The following ST14 variants were observed in gnomAD, a reference collection of about 807,000 sequenced individuals.
ST14 encodes suppressor of tumorigenicity 14 protein.
In ST14, 40 loss-of-function variants were observed where a neutral mutation model predicts 96.5. The ratio of observed to expected loss-of-function variants is 0.41; its 90% CI spans 0.32 to 0.54. The LOEUF (loss-of-function observed/expected upper bound fraction) is 0.54. Among genes scored for constraint, ST14 ranks in the 20% least tolerant of loss-of-function variants. The pLI is 0.17. For missense variants in ST14, 1,066 were observed against 1,188.9 expected (o/e 0.90, Z 1.52); for synonymous variants, 506 against 492.1 (o/e 1.03, Z -0.37).
chr11:130,182,432 C>A (rs903209333), intron 1 of ST14, among the ~76,000 whole-genome samples: 4 of 151,432 alleles, frequency 2.6e-5, no homozygotes, highest in African/African-American at 9.7e-5. Context: ...AGATCATCCT[C>A]CTGCCTCAAC....
chr11:130,206,395 C>T (rs931851762), intron 16 of ST14, among the ~76,000 whole-genome samples: 48 of 151,692 alleles, frequency 3.2e-4, no homozygotes, highest in Admixed American at 2.7e-3. Context: ...TTTGAATCAG[C>T]GTGAGTGTCT....
chr11:130,205,698 C>T (rs1481202373), intron 16 of ST14, among the ~76,000 whole-genome samples: 2 of 120,824 alleles, frequency 1.7e-5, no homozygotes, highest in Admixed American at 9.6e-5. Context: ...CTTCTTTAGA[C>T]GTTTTTTTTT....
At chr11:130,169,973 G>A (rs182233505) in intron 1 of ST14, among the ~76,000 whole-genome samples, 4 of 152,194 alleles carry the variant, frequency 2.6e-5, no homozygotes, top group Non-Finnish European at 4.4e-5. Flanking sequence ...GGAAGGTGGG[G>A]CAGCTGGGCC....
chr11:130,199,661 G>A lies in ST14; in HGVS notation c.1808-290G>A, dbSNP rs10791062. ...CAGATGACACCCAAATCAAAGTGAA[G>A]CTGACCAGCCAGCCTCCGGAGGCCC... On this transcript the variant is annotated intron_variant, in intron 15 of 18. Transcript: ENST00000278742. Among the ~76,000 whole-genome samples, 72,487 of 151,926 alleles carry A rather than the reference G, an allele frequency of 0.48. 17,774 individuals are homozygous for A. The highest frequency in any genetic ancestry group is 0.74 in the East Asian group (3,817 of 5,146).
At chr11:130,205,316 T>TG (rs1324479989) in intron 16 of ST14, among the ~76,000 whole-genome samples, 3 of 152,166 alleles carry the variant, frequency 2.0e-5, no homozygotes, top group East Asian at 3.9e-4. Flanking sequence ...TTAGTGGAGA[T>TG]GGGGTTTCAC....
intron 16 of ST14, among the ~76,000 whole-genome samples, chr11:130,206,363 G>C (rs1490837398): frequency 1.3e-5 from 2 of 150,628 alleles, no homozygotes; most frequent in African/African-American, 4.9e-5. Flanking sequence ...CCCCTTGGTC[G>C]TGACTACACT....
At chr11:130,178,562 T>G (rs926952421) in intron 1 of ST14, among the ~76,000 whole-genome samples, 48 of 152,188 alleles carry the variant, frequency 3.2e-4, no homozygotes, top group African/African-American at 1.1e-3. Flanking sequence ...GCTGGGTTTC[T>G]GTGTTGACAA....
intron 12 of ST14, 23 bp from the exon 13 acceptor site, chr11:130,198,285 G>T: frequency 6.2e-7 from 1 of 1,610,098 alleles, no homozygotes; most frequent in Non-Finnish European, 8.5e-7. Context: ...CCTCACGGCC[G>T]ACCTCCCCTT....
chr11:130,203,507 C>T (rs911010609), intron 16 of ST14, among the ~76,000 whole-genome samples: 3 of 152,338 alleles, frequency 2.0e-5, no homozygotes, highest in South Asian at 2.1e-4. Flanking sequence ...GCGCCTGCCA[C>T]GGCTTGCAGT....
In ST14 at chr11:130,187,110, A is replaced by G. The variant is rs1194238550; in HGVS notation, c.82-1004A>G. Among the ~76,000 whole-genome samples, 1 of 152,196 alleles carries G rather than the reference A, an allele frequency of 6.6e-6. No individual in the cohort carries two copies. The highest frequency in any genetic ancestry group is 1.5e-5 in the Non-Finnish European group (1 of 68,042). ...TCACCACCAGAAGAATGACATCAGG[A>G]AACTGTCAAAAGGGCCAACACCTGT... is the stretch of plus-strand genomic sequence containing the variant. On this transcript the variant is annotated intron_variant, in intron 1 of 18. Coordinates refer to ENST00000278742, the MANE Select transcript of ST14 (RefSeq NM_021978.4). The surrounding 1 kb of genome is among the most constrained non-coding windows in gnomAD (Gnocchi z 4.5).
Position 130,186,470 on chromosome 11 carries a change from A to G in ST14, c.82-1644A>G, listed in dbSNP as rs534762737. Reference sequence around the variant, plus strand: ...GGCTCCAGGACTGTGGCCCTCAGGAAGAACATGAAATAAGTTATTTAACAG... The same window carrying G: ...GGCTCCAGGACTGTGGCCCTCAGGAGGAACATGAAATAAGTTATTTAACAG... On this transcript the variant is annotated intron_variant, in intron 1 of 18. Coordinates refer to ENST00000278742, the MANE Select transcript of ST14 (RefSeq NM_021978.4). 1.1e-4 allele frequency among the ~76,000 whole-genome samples: 16 copies of G among 152,344 alleles called. No individual in the cohort carries two copies. In the South Asian group the frequency reaches 3.3e-3, roughly 32 times the overall value.
At chr11:130,205,829 G>A (rs113707580) in intron 16 of ST14, among the ~76,000 whole-genome samples, 5,665 of 150,218 alleles carry the variant, frequency 0.038, 321 homozygotes, top group African/African-American at 0.12. Context: ...CTCCTGAGTA[G>A]CTGGAATTAC....
intron 1 of ST14, among the ~76,000 whole-genome samples, chr11:130,166,625 G>A (rs938761455): frequency 6.6e-6 from 1 of 152,146 alleles, no homozygotes; most frequent in Non-Finnish European, 1.5e-5. Context: ...CAGAGCATCT[G>A]GACAGACTGT....
intron 1 of ST14, among the ~76,000 whole-genome samples, chr11:130,172,470 T>C (rs375068653): frequency 9.8e-5 from 14 of 142,668 alleles, no homozygotes; most frequent in African/African-American, 3.5e-4. Context: ...CAGGCTGGAG[T>C]GCAGTGGTGC....
chr11:130,208,613 C>A lies in ST14; in HGVS notation c.2198C>A (p.Pro733Gln). The A allele has an allele frequency of 1.9e-6, 3 of 1,614,022 alleles. No homozygotes were observed. The highest frequency in any genetic ancestry group is 2.5e-6 in the Non-Finnish European group (3 of 1,179,994). Residue 733 changes from proline to glutamine, a missense_variant, in exon 17 of 19, where the codon CCG (proline) becomes CAG (glutamine). Pro to Gln is a moderately conservative substitution (Grantham distance 76). Transcript: ENST00000278742. ...TCCATGGTGCGGCCCATCTGCCTGC[C>A]GGACGCCTCCCATGTCTTCCCTGCC... ...YSSMVRPICL[P>Q]DASHVFPAGK...
Position 130,198,553 on chromosome 11 carries a change from C to T in ST14, c.1616C>T (p.Ser539Leu), listed in dbSNP as rs1465985900. 12 of 1,614,060 alleles carry T rather than the reference C, an allele frequency of 7.4e-6. No homozygotes were observed. The highest frequency in any genetic ancestry group is 1.3e-5 in the African/African-American group (1 of 75,042). Residue 539 changes from serine (S) to leucine (L), a missense_variant, in exon 14 of 19, where the codon TCG becomes TTG. Coordinates refer to ENST00000278742, the MANE Select transcript of ST14 (RefSeq NM_021978.4). ...TFRCSNGKCL[S>L]KSQQCNGKDD... The stretch of plus-strand genomic sequence containing the variant: ...AGGTGTTCCAATGGGAAGTGCCTCT[C>T]GAAAAGCCAGCAGTGCAATGGGAAG...
In ST14 at chr11:130,198,626, G is replaced by A; in HGVS notation, c.1684+5G>A. The stretch of plus-strand genomic sequence containing the variant: ...ACGAGGCCTCCTGCCCCAAGGGTGA[G>A]GCCCGCCCCACCCATCTTCCTGTTG... On this transcript the variant is annotated splice_donor_5th_base_variant and intron_variant, in intron 14 of 18. Transcript: ENST00000278742. The A allele has an allele frequency of 6.2e-7, 1 of 1,611,732 alleles. No individual in the cohort carries two copies. The highest frequency in any genetic ancestry group is 8.5e-7 in the Non-Finnish European group (1 of 1,178,488).
chr11:130,165,607 C>T, intron 1 of ST14, among the ~76,000 whole-genome samples: 1 of 152,170 alleles, frequency 6.6e-6, no homozygotes, highest in East Asian at 1.9e-4. Flanking sequence ...ATCTTGGATC[C>T]TTTGACTCTT....
intron 9 of ST14, among the ~76,000 whole-genome samples, chr11:130,195,520 A>T (rs1332206336): frequency 6.6e-6 from 1 of 152,180 alleles, no homozygotes; most frequent in East Asian, 1.9e-4. Flanking sequence ...CGTGCCGCTC[A>T]CGCCATCCCA....
Sources: allele counts gnomAD v4.1 joint callset (sites outside exome capture counted in the v4.1 genomes callset), GRCh38; gene constraint gnomAD v4.1.1; non-coding constraint Gnocchi (gnomAD v3.1); transcripts MANE v1.5; gene names NCBI Gene and HGNC (gene_info 2026-07-23, HGNC 2026-07-21).